The following NFKBIB variants were observed in gnomAD, a reference collection of about 807,000 sequenced individuals.
NFKBIB encodes NF-kappa-B inhibitor beta.
Under a neutral mutation model 32.1 loss-of-function variants are expected in NFKBIB, and 16 were observed. The observed-to-expected ratio is 0.50, with a 90% CI of 0.34 to 0.76. The LOEUF (loss-of-function observed/expected upper bound fraction) is 0.76. Ranked by LOEUF, NFKBIB falls within the 30% of genes least tolerant of loss-of-function variation. The pLI is 0.01. For missense variants in NFKBIB, 437 were observed against 514.9 expected, an observed-to-expected ratio of 0.85 and a Z score of 1.46; for synonymous variants, 222 against 219.5, an observed-to-expected ratio of 1.01 and a Z score of -0.10.
At chr19:38,902,081 A>ATTTTTTTTTTTTTTTT (rs1220793422) in intron 1 of NFKBIB, among the ~76,000 whole-genome samples, 6 of 56,456 alleles carry the variant, frequency 1.1e-4, no homozygotes, top group African/African-American at 3.3e-4. Context: ...TTTTCATTTT[A>ATTTTTTTTTTTTTTTT]TTTCTTTTTT....
At chr19:38,904,125 ATAT>A (rs1974045507) in intron 1 of NFKBIB, among the ~76,000 whole-genome samples, 1 of 150,212 alleles carries the variant, frequency 6.7e-6, no homozygotes, top group Admixed American at 6.6e-5. Flanking sequence ...ATATTCTTGA[ATAT>A]TATTCTGGGA....
intron 1 of NFKBIB, 132 bp from the exon 2 acceptor site, chr19:38,904,883 C>T: frequency 2.6e-6 from 2 of 778,690 alleles, no homozygotes; most frequent in South Asian, 1.7e-5. Flanking sequence ...CCTCTGACCT[C>T]CCAGATAGCT....
chr19:38,901,165 A>G (rs1031845072), intron 1 of NFKBIB, among the ~76,000 whole-genome samples: 4 of 152,236 alleles, frequency 2.6e-5, no homozygotes, highest in Non-Finnish European at 5.9e-5. Context: ...CAGTGATGCA[A>G]GCAGGGCCTG....
chr19:38,907,142 A>T, intron 3 of NFKBIB, 79 bp from the exon 4 acceptor site: 1 of 1,318,656 alleles, frequency 7.6e-7, no homozygotes, highest in Non-Finnish European at 1.1e-6. Flanking sequence ...ACGCCACATG[A>T]CCCTCCCCCA....
intron 1 of NFKBIB, 70 bp downstream of exon 1, chr19:38,900,281 C>T: frequency 6.9e-7 from 1 of 1,452,738 alleles, no homozygotes; most frequent in South Asian, 1.4e-5. Flanking sequence ...ATCTCTGATC[C>T]CTGAGGCTTC....
At position 38,905,372 on chromosome 19, in the gene NFKBIB, G is replaced by C. The variant is rs181220380; in HGVS notation, c.456G>C (p.Arg152=). ...GTGCCCTGCTTCAGCCCCGCCCCCG[G>C]CGCCCCAGGGAAGCCCCCGACACCT... The part of the protein sequence containing the change: ...CARALLQPRP[R]RPREAPDTYL... The change falls in exon 3 of 6, where the codon CGG becomes CGC. Residue 152 remains arginine (R), a synonymous_variant. Coordinates refer to ENST00000313582, the MANE Select transcript of NFKBIB (RefSeq NM_002503.5). The surrounding 1 kb of genome is among the most constrained non-coding windows in gnomAD (Gnocchi z 5.5). 874 of 1,612,972 alleles carry C rather than the reference G, an allele frequency of 5.4e-4. 12 individuals carry two copies. The East Asian group carries it at 0.019, about 35-fold the overall frequency.
At chr19:38,906,860 C>T (rs1600148780) in intron 3 of NFKBIB, among the ~76,000 whole-genome samples, 1 of 152,276 alleles carries the variant, frequency 6.6e-6, no homozygotes, top group African/African-American at 2.4e-5. Context: ...GCTTTGGCCT[C>T]CCAAAGTGCT....
chr19:38,907,578 C>T lies in NFKBIB; in HGVS notation c.888C>T (p.His296=), dbSNP rs367810334. 30 of 1,612,516 alleles carry T rather than the reference C, an allele frequency of 1.9e-5. No individual in the cohort carries two copies. The highest frequency in any genetic ancestry group is 3.3e-4 in the Middle Eastern group (2 of 6,060). ...NPILARLLRA[H]GAPEPEGEDE... is the part of the protein sequence containing the mutation. The stretch of plus-strand genomic sequence containing the variant: ...TCCTCGCCCGCCTCCTCCGTGCACA[C>T]GGAGCCCCTGAGCCCGAGGGCGAGG... Residue 296 remains histidine, a synonymous_variant, in exon 5 of 6, where the codon CAC becomes CAT. Transcript: ENST00000313582.
At chr19:38,903,105 AAAAC>A (rs1011133201) in intron 1 of NFKBIB, among the ~76,000 whole-genome samples, 3 of 151,988 alleles carry the variant, frequency 2.0e-5, no homozygotes, top group African/African-American at 7.2e-5. Context: ...AAGAAAAAGA[AAAAC>A]AAAACCAAAA....
At chr19:38,904,961 A>G (rs1418754002) in intron 1 of NFKBIB, 54 bp from the exon 2 acceptor site, 1 of 1,544,550 alleles carries the variant, frequency 6.5e-7, no homozygotes, top group African/African-American at 1.4e-5. Context: ...TTGTTCAATG[A>G]AGGAATGCAA....
intron 1 of NFKBIB, among the ~76,000 whole-genome samples, chr19:38,900,713 A>T (rs1216873277): frequency 6.6e-6 from 1 of 152,212 alleles, no homozygotes; most frequent in Non-Finnish European, 1.5e-5. Context: ...GTAAAAAAAT[A>T]GGAAAATTAA....
intron 5 of NFKBIB, chr19:38,908,147 T>C (rs935112636): frequency 1.4e-5 from 14 of 997,014 alleles, no homozygotes; most frequent in Non-Finnish European, 1.6e-5. Context: ...GCGGAGGAAT[T>C]TGGGTAAAGG....
chr19:38,901,302 AC>A (rs1272447540), intron 1 of NFKBIB, among the ~76,000 whole-genome samples: 4 of 150,730 alleles, frequency 2.7e-5, no homozygotes, highest in Non-Finnish European at 5.9e-5. Flanking sequence ...CTCTGTTCTG[AC>A]TTTTTTTTTT....
At chr19:38,906,259 C>T (rs939650928) in intron 3 of NFKBIB, among the ~76,000 whole-genome samples, 3 of 151,300 alleles carry the variant, frequency 2.0e-5, no homozygotes, top group African/African-American at 7.3e-5. Flanking sequence ...CTCAGCCTCC[C>T]GAGTAGCTGG....
chr19:38,900,049 G>T lies in NFKBIB; in HGVS notation c.17G>T (p.Cys6Phe). 6.7e-7 allele frequency: 1 copy of T among 1,493,280 alleles called. No individual in the cohort carries two copies. The highest frequency in any genetic ancestry group is 8.9e-7 in the Non-Finnish European group (1 of 1,123,678). 92.5% of individuals were successfully genotyped at this position (1,493,280 alleles called of 1,614,324 possible). A position where few individuals can be genotyped will look rare whatever the true frequency, so the allele number is the denominator to read the frequency against. The change falls in exon 1 of 6, where the codon TGC (cysteine) becomes TTC (phenylalanine). Residue 6 changes from cysteine to phenylalanine, a missense_variant. Transcript: ENST00000313582. MAGVA[C>F]LGKAADADEW... Reference sequence around the variant, plus strand: ...GCGGGGGCCATGGCTGGGGTCGCGTGCTTGGGAAAAGCTGCCGACGCAGAT... The same window carrying T: ...GCGGGGGCCATGGCTGGGGTCGCGTTCTTGGGAAAAGCTGCCGACGCAGAT...
chr19:38,903,997 G>C (rs1236924279), intron 1 of NFKBIB, among the ~76,000 whole-genome samples: 5 of 152,058 alleles, frequency 3.3e-5, no homozygotes, highest in African/African-American at 1.2e-4. Context: ...TTGAACCCAG[G>C]AGGTGGAGGT....
chr19:38,908,698 T>C, intron 5 of NFKBIB, 33 bp from the exon 6 acceptor site: 1 of 1,591,068 alleles, frequency 6.3e-7, no homozygotes, highest in African/African-American at 1.4e-5. Flanking sequence ...GACAGCCGCC[T>C]GAGCCCCTCT....
intron 1 of NFKBIB, among the ~76,000 whole-genome samples, chr19:38,903,873 A>T (rs998077111): frequency 2.0e-5 from 3 of 151,966 alleles, no homozygotes; most frequent in Non-Finnish European, 4.4e-5. Context: ...GTTCAAGATC[A>T]GCCTGGCCAA....
intron 1 of NFKBIB, 111 bp downstream of exon 1, chr19:38,900,322 A>G (rs1276759938): frequency 8.2e-7 from 1 of 1,225,396 alleles, no homozygotes; most frequent in African/African-American, 1.6e-5. Context: ...CTGACTTCCG[A>G]TGCTGAACTT....
Sources: gnomAD v4.1 joint callset for allele counts (sites outside exome capture counted in the v4.1 genomes callset) on GRCh38, gnomAD v4.1.1 for gene constraint, Gnocchi (gnomAD v3.1) non-coding constraint, MANE v1.5 for transcripts, NCBI Gene and HGNC (gene_info 2026-07-23, HGNC 2026-07-21) for gene names.